Variants in MTUS2 observed in about 807,000 individuals in gnomAD.
MTUS2 encodes the protein microtubule associated scaffold protein 2.
In MTUS2, 40 loss-of-function variants were observed where a neutral mutation model predicts 114.1. The ratio of observed to expected loss-of-function variants is 0.35; its 90% CI spans 0.27 to 0.46. The LOEUF is 0.46. Ranked by LOEUF, MTUS2 falls within the 20% of genes least tolerant of loss-of-function variation. The pLI, the probability that MTUS2 is intolerant of heterozygous loss-of-function variation, is 1.00. For synonymous variants in MTUS2, 688 were observed against 672.0 expected (o/e 1.02, Z -0.37); for missense variants, 1,679 against 1,705.4 (o/e 0.98, Z 0.27).
chr13:29,187,613 G>A (rs1015848954), intron 5 of MTUS2, among the ~76,000 whole-genome samples: 14 of 152,080 alleles, frequency 9.2e-5, no homozygotes, highest in Admixed American at 4.6e-4. Flanking sequence ...TACATGTATG[G>A]AACATGGCAA....
At position 29,501,092 on chromosome 13, in the gene MTUS2, T is replaced by G; in HGVS notation, c.3799-5T>G. 1 of 1,613,530 alleles carries G rather than the reference T, an allele frequency of 6.2e-7. No homozygotes were observed. The highest frequency in any genetic ancestry group is 8.5e-7 in the Non-Finnish European group (1 of 1,179,568). ...AGAACCTCTTAAACACTGTTTCCTT[T>G]GTAGGCAGAAAAGAACATTATCCTA... On this transcript the variant is annotated splice_region_variant and splice_polypyrimidine_tract_variant and intron_variant, in intron 14 of 15. Coordinates refer to ENST00000612955, the MANE Select transcript of MTUS2 (RefSeq NM_001033602.4).
intron 5 of MTUS2, among the ~76,000 whole-genome samples, chr13:29,227,496 GAGA>G (rs1453291763): frequency 1.3e-5 from 2 of 152,174 alleles, no homozygotes; most frequent in African/African-American, 4.8e-5. Flanking sequence ...CTTCCTGCCA[GAGA>G]AGAAGCCAAG....
At chr13:28,916,081 A>C (rs1347104739) in intron 2 of MTUS2, among the ~76,000 whole-genome samples, 1 of 151,552 alleles carries the variant, frequency 6.6e-6, no homozygotes, top group Non-Finnish European at 1.5e-5. Context: ...TATGTTTCTG[A>C]CACCTTTGTG....
At chr13:28,822,850 T>G (rs1874004001) in intron 1 of MTUS2, among the ~76,000 whole-genome samples, 1 of 152,226 alleles carries the variant, frequency 6.6e-6, no homozygotes, top group South Asian at 2.1e-4. Context: ...TTTTGTCATC[T>G]GAAAAGATGA....
At chr13:29,278,548 C>T (rs562497205) in intron 5 of MTUS2, among the ~76,000 whole-genome samples, 79 of 152,278 alleles carry the variant, frequency 5.2e-4, no homozygotes, top group African/African-American at 1.9e-3. Flanking sequence ...CGCCACCTGT[C>T]AGAAAGGTAT....
chr13:29,418,794 G>C (rs144987276), intron 8 of MTUS2, among the ~76,000 whole-genome samples: 2 of 152,250 alleles, frequency 1.3e-5, no homozygotes, highest in South Asian at 4.1e-4. Flanking sequence ...TGAAATGTCC[G>C]CGTTCTAGAC....
At chr13:29,145,073 C>T (rs1297816774) in intron 5 of MTUS2, among the ~76,000 whole-genome samples, 2 of 152,184 alleles carry the variant, frequency 1.3e-5, no homozygotes, top group Admixed American at 6.5e-5. Context: ...GCCAGGGCTG[C>T]CCTTATTAAA....
intron 4 of MTUS2, among the ~76,000 whole-genome samples, chr13:29,094,721 G>C (rs148393099): frequency 2.6e-5 from 4 of 151,448 alleles, no homozygotes; most frequent in Non-Finnish European, 4.4e-5. Flanking sequence ...TCTTCTTTTG[G>C]TTTAAGTTTA....
intron 2 of MTUS2, among the ~76,000 whole-genome samples, chr13:28,961,642 C>T (rs892103655): frequency 6.6e-6 from 1 of 152,036 alleles, no homozygotes; most frequent in Non-Finnish European, 1.5e-5. Context: ...ACTCATAATC[C>T]TACCACCTGG....
At chr13:28,913,817 A>G (rs1423537484) in intron 2 of MTUS2, among the ~76,000 whole-genome samples, 2 of 151,764 alleles carry the variant, frequency 1.3e-5, no homozygotes, top group Non-Finnish European at 2.9e-5. Context: ...CTATTCAGGG[A>G]TTCTGTTTCT....
At chr13:29,182,184 C>T (rs1371012260) in intron 5 of MTUS2, among the ~76,000 whole-genome samples, 7 of 152,168 alleles carry the variant, frequency 4.6e-5, no homozygotes, top group Non-Finnish European at 7.4e-5. Context: ...AAGACAAAAA[C>T]CTTGGAGTCA....
intron 2 of MTUS2, among the ~76,000 whole-genome samples, chr13:28,933,247 A>G (rs1342272154): frequency 1.3e-5 from 2 of 152,102 alleles, no homozygotes; most frequent in African/African-American, 4.8e-5. Context: ...TTTGTAGGGC[A>G]GGCTGGCAGG....
chr13:29,082,452 T>C (rs950770313), intron 4 of MTUS2, among the ~76,000 whole-genome samples: 3 of 152,206 alleles, frequency 2.0e-5, no homozygotes, highest in African/African-American at 7.2e-5. Flanking sequence ...TGAACTCCCA[T>C]TGCTGTTGAT....
At chr13:29,176,849 G>A (rs1187146751) in intron 5 of MTUS2, among the ~76,000 whole-genome samples, 1 of 151,332 alleles carries the variant, frequency 6.6e-6, no homozygotes, top group Non-Finnish European at 1.5e-5. Context: ...CGTTGGCACA[G>A]CAGCCTCCCT....
intron 4 of MTUS2, among the ~76,000 whole-genome samples, chr13:29,071,460 C>T (rs1388754195): frequency 2.3e-5 from 2 of 88,292 alleles, no homozygotes; most frequent in South Asian, 4.2e-4. Flanking sequence ...GAGTCTCCCT[C>T]TGTTGCCCAG....
intron 8 of MTUS2, among the ~76,000 whole-genome samples, chr13:29,388,894 G>A (rs1006412358): frequency 9.9e-5 from 15 of 151,986 alleles, no homozygotes; most frequent in Non-Finnish European, 2.2e-4. Context: ...ACTGAAAAAG[G>A]CATATCTATA....
Position 28,875,101 on chromosome 13 carries a change from TTAAA to T in MTUS2, c.-243+35253_-243+35256del, listed in dbSNP as rs371624410. On this transcript the variant is annotated intron_variant, in intron 2 of 15. Transcript: ENST00000612955. Reference sequence around the variant, plus strand: ...ATAATGGATGTTCAGTAAAAATGTGTTAAATGAATGAATAAACAAATCTAGTAGA... The same window carrying T: ...ATAATGGATGTTCAGTAAAAATGTGTTGAATGAATAAACAAATCTAGTAGA... 3.4e-3 allele frequency among the ~76,000 whole-genome samples: 519 copies of T among 152,304 alleles called. 2 individuals are homozygous for T. The highest frequency in any genetic ancestry group is 0.012 in the African/African-American group (483 of 41,560).
At chr13:28,930,325 G>A (rs1236419478) in intron 2 of MTUS2, among the ~76,000 whole-genome samples, 2 of 152,106 alleles carry the variant, frequency 1.3e-5, no homozygotes, top group African/African-American at 4.8e-5. Context: ...TTTTCCAAAG[G>A]TAAACTGAGC....
chr13:28,986,546 T>C (rs1034689563), intron 2 of MTUS2, among the ~76,000 whole-genome samples: 3 of 152,206 alleles, frequency 2.0e-5, no homozygotes, highest in Non-Finnish European at 4.4e-5. Flanking sequence ...AACTCCTTAA[T>C]GTTCACCGTG....
Sources: gnomAD v4.1 joint callset for allele counts (sites outside exome capture counted in the v4.1 genomes callset) on GRCh38, gnomAD v4.1.1 for gene constraint, MANE v1.5 for transcripts, NCBI Gene and HGNC (gene_info 2026-07-23, HGNC 2026-07-21) for gene names.